CHST11: variants seen among roughly 807,000 people sequenced by gnomAD.
CHST11 encodes the protein C4S-1.
A neutral mutation model predicts 30.4 loss-of-function variants in CHST11; 9 were observed. The ratio of observed to expected loss-of-function variants is 0.30; its 90% CI spans 0.18 to 0.52. CHST11 has a LOEUF of 0.52. Ranked by LOEUF, CHST11 falls within the 20% of genes least tolerant of loss-of-function variation. CHST11 has a pLI of 0.97. For missense variants in CHST11, 348 were observed against 460.6 expected, an observed-to-expected ratio of 0.76 and a Z score of 2.24; for synonymous variants, 152 against 187.8, an observed-to-expected ratio of 0.81 and a Z score of 1.56.
chr12:104,628,846 T>C (rs368090146), intron 2 of CHST11, among the ~76,000 whole-genome samples: 1 of 152,220 alleles, frequency 6.6e-6, no homozygotes, highest in African/African-American at 2.4e-5. Flanking sequence ...CCTTTGCTTA[T>C]TGTAATTATT....
At chr12:104,566,597 T>C (rs899417204) in intron 1 of CHST11, among the ~76,000 whole-genome samples, 20 of 152,164 alleles carry the variant, frequency 1.3e-4, no homozygotes, top group African/African-American at 4.6e-4. Flanking sequence ...TCTGGAGGGA[T>C]CTTCTCAACA....
intron 1 of CHST11, among the ~76,000 whole-genome samples, chr12:104,505,338 C>T (rs1443307092): frequency 6.6e-6 from 1 of 152,114 alleles, no homozygotes; most frequent in East Asian, 1.9e-4. Flanking sequence ...CCCCACACCC[C>T]CCCAGCAGAG....
intron 1 of CHST11, among the ~76,000 whole-genome samples, chr12:104,494,866 C>T (rs891067865): frequency 2.6e-5 from 4 of 152,084 alleles, no homozygotes; most frequent in Non-Finnish European, 4.4e-5. Context: ...TTTAAGAGTA[C>T]GGGTCAGCAG....
intron 2 of CHST11, among the ~76,000 whole-genome samples, chr12:104,700,065 A>C (rs2039978627): frequency 6.6e-6 from 1 of 152,256 alleles, no homozygotes; most frequent in African/African-American, 2.4e-5. Flanking sequence ...TGCATGACTC[A>C]ACTCTAGAAA....
intron 2 of CHST11, among the ~76,000 whole-genome samples, chr12:104,637,048 A>G (rs1171594714): frequency 6.6e-6 from 1 of 151,940 alleles, no homozygotes; most frequent in African/African-American, 2.4e-5. Context: ...CACACCTGTA[A>G]TCCCAGCATT....
At chr12:104,548,263 A>G (rs1310927912) in intron 1 of CHST11, among the ~76,000 whole-genome samples, 4 of 152,222 alleles carry the variant, frequency 2.6e-5, no homozygotes, top group African/African-American at 9.6e-5. Context: ...GAAGGAGGCA[A>G]GGAGGCAGGG....
In CHST11 at chr12:104,506,869, T is replaced by A. The variant is rs951566607; in HGVS notation, c.118+49340T>A. Among the ~76,000 whole-genome samples, 6 of 152,304 alleles carry A rather than the reference T, an allele frequency of 3.9e-5. No homozygotes were observed. In the South Asian group the frequency reaches 8.3e-4, roughly 21 times the overall value. On this transcript the variant is annotated intron_variant, in intron 1 of 2. Transcript: ENST00000303694. ...GGGAGAGGGGACATATACAGCTGGC[T>A]GTCAGAACAGTCGACCTCTAAATGG...
chr12:104,544,705 T>TAAAAAAA (rs755404934), intron 1 of CHST11, among the ~76,000 whole-genome samples: 2 of 93,184 alleles, frequency 2.1e-5, no homozygotes, highest in African/African-American at 3.7e-5. Context: ...AGACTTGGTC[T>TAAAAAAA]AAAAAAAAAA....
At chr12:104,737,755 G>A (rs943396172) in intron 2 of CHST11, among the ~76,000 whole-genome samples, 5 of 152,202 alleles carry the variant, frequency 3.3e-5, no homozygotes, top group African/African-American at 7.2e-5. Flanking sequence ...AAATAGAGGA[G>A]GGAGAATCCC....
intron 1 of CHST11, among the ~76,000 whole-genome samples, chr12:104,510,084 GA>G (rs2037949764): frequency 6.6e-6 from 1 of 152,190 alleles, no homozygotes; most frequent in Non-Finnish European, 1.5e-5. Flanking sequence ...AGGCCCAGAA[GA>G]GGTCCCCATC....
In CHST11 at chr12:104,542,771, C is replaced by T. The variant is rs935698988; in HGVS notation, c.119-59135C>T. ...TTTTGGTTTTCATACCATGTGGCTT[C>T]GTTACCTCTTCAAAACATTAACCCT... On this transcript the variant is annotated intron_variant, in intron 1 of 2. Transcript: ENST00000303694. Among the ~76,000 whole-genome samples the T allele has an allele frequency of 2.6e-5, 4 of 152,142 alleles. No individual in the cohort carries two copies. In the East Asian group the frequency reaches 7.7e-4, roughly 29 times the overall value.
At chr12:104,546,204 T>C (rs1348717483) in intron 1 of CHST11, among the ~76,000 whole-genome samples, 4 of 152,038 alleles carry the variant, frequency 2.6e-5, no homozygotes, top group Non-Finnish European at 5.9e-5. Flanking sequence ...GTAGAGTGGC[T>C]CATACCTATA....
intron 1 of CHST11, among the ~76,000 whole-genome samples, chr12:104,584,374 A>T (rs1463246401): frequency 6.7e-6 from 1 of 150,204 alleles, no homozygotes; most frequent in Non-Finnish European, 1.5e-5. Context: ...CTTATGCCTC[A>T]GCCTCCCCAG....
intron 1 of CHST11, among the ~76,000 whole-genome samples, chr12:104,585,090 G>T (rs71440862): frequency 0.049 from 7,526 of 152,296 alleles, 410 homozygotes; most frequent in African/African-American, 0.13. Flanking sequence ...TAGGGGTTTT[G>T]GTCCATGGAT....
chr12:104,593,458 C>T (rs1402157111), intron 1 of CHST11, among the ~76,000 whole-genome samples: 1 of 152,218 alleles, frequency 6.6e-6, no homozygotes, highest in Non-Finnish European at 1.5e-5. Flanking sequence ...ACCCTATTTT[C>T]ACCTCACTGT....
At position 104,603,488 on chromosome 12, in the gene CHST11, T is replaced by C. The variant is rs570380668; in HGVS notation, c.204+1497T>C. On this transcript the variant is annotated intron_variant, in intron 2 of 2. Transcript: ENST00000303694. ...TGTTCACTGTTGGCTCCTCAGTACC[T>C]AACACAGGGCTCTCAAATACTTGTG... Among the ~76,000 whole-genome samples the C allele has an allele frequency of 8.5e-5, 13 of 152,354 alleles. No individual in the cohort carries two copies. The East Asian group carries it at 2.5e-3, about 29-fold the overall frequency.
chr12:104,605,959 C>T (rs2039000636), intron 2 of CHST11, among the ~76,000 whole-genome samples: 1 of 152,058 alleles, frequency 6.6e-6, no homozygotes, highest in African/African-American at 2.4e-5. Flanking sequence ...TCAGCCCTGC[C>T]CTGCTTGGTT....
At position 104,491,443 on chromosome 12, in the gene CHST11, C is replaced by CTCT. The variant is rs147243817; in HGVS notation, c.118+33934_118+33936dup. On this transcript the variant is annotated intron_variant, in intron 1 of 2. Coordinates refer to ENST00000303694, the MANE Select transcript of CHST11 (RefSeq NM_018413.6). Reference sequence around the variant, plus strand: ...GAAACAAGAACCACTTTACCTTAGTCTCTTCTTCTTCTTCTTCTTCTTTTC... The same window carrying CTCT: ...GAAACAAGAACCACTTTACCTTAGTCTCTTCTTCTTCTTCTTCTTCTTCTTTTC... Among the ~76,000 whole-genome samples, 1,876 of 151,612 alleles carry CTCT rather than the reference C, an allele frequency of 0.012. 60 individuals carry two copies. The East Asian group carries it at 0.14, about 11-fold the overall frequency.
intron 1 of CHST11, among the ~76,000 whole-genome samples, chr12:104,532,219 C>T (rs2038192456): frequency 6.6e-6 from 1 of 152,206 alleles, no homozygotes; most frequent in Middle Eastern, 3.2e-3. Context: ...TCTGAACCTT[C>T]ATGTTTGCTG....
Sources: gnomAD v4.1 joint callset for allele counts (sites outside exome capture counted in the v4.1 genomes callset) on GRCh38, gnomAD v4.1.1 for gene constraint, MANE v1.5 for transcripts, NCBI Gene and HGNC (gene_info 2026-07-23, HGNC 2026-07-21) for gene names.